TMCC1: variants seen among roughly 807,000 people sequenced by gnomAD.
TMCC1 encodes the protein transmembrane and coiled-coil domain family 1, also known as transmembrane and coiled-coil domains protein 1.
Under a neutral mutation model 52.4 loss-of-function variants are expected in TMCC1, and 15 were observed. The observed-to-expected ratio is 0.29, with a 90% CI of 0.19 to 0.44. The LOEUF is 0.44. Ranked by LOEUF, TMCC1 falls within the 20% of genes least tolerant of loss-of-function variation. The probability of loss-of-function intolerance (pLI) is 1.00; values close to 1 mark genes in which losing one functional copy is unlikely to be tolerated. For synonymous variants in TMCC1, 279 were observed against 301.9 expected (o/e 0.92, Z 0.79); for missense variants, 503 against 806.0 (o/e 0.62, Z 4.55).
At chr3:129,695,103 A>AAAAG (rs2047308495) in intron 4 of TMCC1, among the ~76,000 whole-genome samples, 1 of 98,318 alleles carries the variant, frequency 1.0e-5, no homozygotes, top group Non-Finnish European at 2.1e-5. Flanking sequence ...TCTCAAAAAA[A>AAAAG]AAAAAAAAAA....
chr3:129,839,882 C>G (rs925525797), intron 2 of TMCC1, among the ~76,000 whole-genome samples: 2 of 150,708 alleles, frequency 1.3e-5, no homozygotes, highest in African/African-American at 4.9e-5. Flanking sequence ...GACCTTGTCT[C>G]AAAAAATAAA....
intron 4 of TMCC1, chr3:129,688,495 G>C: frequency 1.0e-6 from 1 of 985,526 alleles, no homozygotes; most frequent in Non-Finnish European, 1.2e-6. Flanking sequence ...TCAGAGAAGT[G>C]ACTTTCACAA....
intron 2 of TMCC1, among the ~76,000 whole-genome samples, chr3:129,863,652 A>C (rs2060495071): frequency 6.6e-6 from 1 of 152,186 alleles, no homozygotes; most frequent in Admixed American, 6.5e-5. Context: ...ACCTGAGGTC[A>C]GGAGTTCAAG....
At chr3:129,728,924 G>A (rs1484756462) in intron 4 of TMCC1, among the ~76,000 whole-genome samples, 2 of 152,166 alleles carry the variant, frequency 1.3e-5, no homozygotes, top group Non-Finnish European at 1.5e-5. Context: ...TTGCTGAGTA[G>A]TAGTTCATTG....
At chr3:129,869,877 ACT>A (rs2060831442) in intron 2 of TMCC1, among the ~76,000 whole-genome samples, 1 of 152,142 alleles carries the variant, frequency 6.6e-6, no homozygotes, top group Non-Finnish European at 1.5e-5. Context: ...AGTGTACAAA[ACT>A]CTGAGATGCA....
At chr3:129,892,931 T>C (rs2062041170) in intron 1 of TMCC1, among the ~76,000 whole-genome samples, 1 of 152,032 alleles carries the variant, frequency 6.6e-6, no homozygotes, top group Non-Finnish European at 1.5e-5. Context: ...CCCAGCCAGC[T>C]CCTCCTCACA....
intron 6 of TMCC1, among the ~76,000 whole-genome samples, chr3:129,652,674 G>A (rs762599602): frequency 2.0e-5 from 3 of 152,202 alleles, no homozygotes; most frequent in African/African-American, 4.8e-5. Context: ...TCACATGACA[G>A]ACAACAGACT....
At chr3:129,870,710 C>A (rs1323526139) in intron 2 of TMCC1, among the ~76,000 whole-genome samples, 3 of 15,442 alleles carry the variant, frequency 1.9e-4, no homozygotes, top group East Asian at 5.0e-3. Context: ...CTGCACTCCG[C>A]GGGTTGGCGG....
intron 4 of TMCC1, among the ~76,000 whole-genome samples, chr3:129,716,220 TGGC>T (rs1198860264): frequency 6.6e-5 from 2 of 30,132 alleles, no homozygotes; most frequent in Non-Finnish European, 9.6e-4. Context: ...TGGAGTGCAA[TGGC>T]ACAATCTCGG....
chr3:129,660,834 A>G (rs2086975281), intron 5 of TMCC1, among the ~76,000 whole-genome samples: 1 of 152,180 alleles, frequency 6.6e-6, no homozygotes, highest in African/African-American at 2.4e-5. Context: ...GTGGTTATTC[A>G]GAGGCATAAT....
intron 5 of TMCC1, among the ~76,000 whole-genome samples, chr3:129,658,959 A>C (rs2108856136): frequency 6.6e-6 from 1 of 152,300 alleles, no homozygotes; most frequent in East Asian, 1.9e-4. Context: ...ATATTCAAGG[A>C]GAGGCTGCTT....
chr3:129,762,436 T>C (rs1012141854), intron 4 of TMCC1, among the ~76,000 whole-genome samples: 1 of 152,220 alleles, frequency 6.6e-6, no homozygotes, highest in Non-Finnish European at 1.5e-5. Context: ...ACCCTGTACT[T>C]GACTAGTCAG....
At chr3:129,739,510 A>T (rs189195010) in intron 4 of TMCC1, among the ~76,000 whole-genome samples, 5 of 152,048 alleles carry the variant, frequency 3.3e-5, no homozygotes, top group African/African-American at 1.2e-4. Context: ...AGGGCTTATA[A>T]GATCATAGTT....
chr3:129,751,944 T>A (rs939441510), intron 4 of TMCC1, among the ~76,000 whole-genome samples: 1 of 152,246 alleles, frequency 6.6e-6, no homozygotes, highest in Non-Finnish European at 1.5e-5. Flanking sequence ...ACTGTTAGGA[T>A]GGTGAGGCCT....
intron 5 of TMCC1, 60 bp downstream of exon 5, chr3:129,670,270 T>A: frequency 6.6e-7 from 1 of 1,521,684 alleles, no homozygotes; most frequent in East Asian, 2.3e-5. Context: ...CATTTCCCCA[T>A]ATCTAAAGGG....
intron 4 of TMCC1, among the ~76,000 whole-genome samples, chr3:129,739,949 C>A (rs1332970207): frequency 6.6e-6 from 1 of 152,200 alleles, no homozygotes; most frequent in Non-Finnish European, 1.5e-5. Context: ...TTTTGCTATT[C>A]CTCGTCATTT....
rs369994493 is a variant in TMCC1, at chr3:129,827,827, T to C, written c.552A>G (p.Pro184=). The part of the protein sequence containing the change: ...AAAAAAAACL[P]GEEGTAERIE... The stretch of plus-strand genomic sequence containing the variant: ...CCCGCTCCGCAGTTCCCTCCTCTCC[T>C]GGTAGACATGCAGCAGCAGCAGCAG... The change falls in exon 4 of 7, where the codon CCA becomes CCG. Residue 184 remains proline (P), a synonymous_variant. Coordinates refer to ENST00000393238, the MANE Select transcript of TMCC1 (RefSeq NM_001017395.5). 77 of 1,613,802 alleles carry C rather than the reference T, an allele frequency of 4.8e-5. No homozygotes were observed. Among genetic ancestry groups the C allele is most frequent in the Non-Finnish European group, 6.3e-5 (74 of 1,179,822 alleles).
intron 2 of TMCC1, among the ~76,000 whole-genome samples, chr3:129,853,057 AACT>A (rs1204399728): frequency 6.6e-6 from 1 of 152,204 alleles, no homozygotes. Flanking sequence ...GAAGCACTAC[AACT>A]ACTGATTCAA....
intron 4 of TMCC1, among the ~76,000 whole-genome samples, chr3:129,721,407 T>C (rs1400248489): frequency 6.6e-6 from 1 of 152,154 alleles, no homozygotes; most frequent in African/African-American, 2.4e-5. Flanking sequence ...AGTGGTAATT[T>C]AGCTCACTGC....
Sources: gnomAD v4.1 joint callset for allele counts (sites outside exome capture counted in the v4.1 genomes callset) on GRCh38, gnomAD v4.1.1 for gene constraint, MANE v1.5 for transcripts, NCBI Gene and HGNC (gene_info 2026-07-23, HGNC 2026-07-21) for gene names.